The following TBC1D5 variants were observed in gnomAD, a reference collection of about 807,000 sequenced individuals.
The protein encoded by TBC1D5 is TBC1 domain family member 5, also known as TBC1 domain family, member 5.
Under a neutral mutation model 100.3 loss-of-function variants are expected in TBC1D5, and 75 were observed. The observed-to-expected ratio is 0.75, with a 90% confidence interval of 0.62 to 0.91. The LOEUF (loss-of-function observed/expected upper bound fraction) is 0.91, where lower values mean the gene tolerates loss of function less well. TBC1D5 is among the 40% of genes least tolerant of loss of function. The pLI is 0.00. For synonymous variants in TBC1D5, 323 were observed against 325.6 expected (o/e 0.99, Z 0.09); for missense variants, 910 against 942.4 (o/e 0.97, Z 0.45).
chr3:17,159,662 G>C (rs894838211), exon 22 of TBC1D5: 4 of 152,286 alleles, frequency 2.6e-5, no homozygotes, highest in African/African-American at 9.6e-5. Flanking sequence ...GCCCATCATG[G>C]TTTCCTAAGG....
At chr3:17,671,591 A>C (rs1422568477) in intron 1 of TBC1D5, among the ~76,000 whole-genome samples, 4 of 152,262 alleles carry the variant, frequency 2.6e-5, no homozygotes, top group African/African-American at 4.8e-5. Context: ...ATCTTCTTTA[A>C]GGCATTTTAA....
At chr3:17,253,447 G>C (rs1028472679) in intron 16 of TBC1D5, among the ~76,000 whole-genome samples, 1 of 152,164 alleles carries the variant, frequency 6.6e-6, no homozygotes, top group Admixed American at 6.5e-5. Context: ...CTCCTATCTA[G>C]TCCAGAGCAA....
At chr3:17,582,685 A>C (rs1267955937) in intron 2 of TBC1D5, among the ~76,000 whole-genome samples, 1 of 130,142 alleles carries the variant, frequency 7.7e-6, no homozygotes, top group African/African-American at 4.0e-5. Flanking sequence ...TATGCTATCA[A>C]AAAAAAAAAA....
intron 1 of TBC1D5, among the ~76,000 whole-genome samples, chr3:17,725,155 T>C (rs918420472): frequency 8.5e-5 from 13 of 152,350 alleles, no homozygotes; most frequent in African/African-American, 3.1e-4. Context: ...TTTCCTTGTG[T>C]GCTTGGTTAT....
At chr3:17,206,850 G>T (rs936670062) in intron 18 of TBC1D5, among the ~76,000 whole-genome samples, 3 of 152,156 alleles carry the variant, frequency 2.0e-5, no homozygotes, top group Admixed American at 6.5e-5. Context: ...CAGTTTATCA[G>T]GAAATTTACA....
At chr3:17,706,356 G>A (rs2074165675) in intron 1 of TBC1D5, 1 of 1,246,754 alleles carries the variant, frequency 8.0e-7, no homozygotes, top group South Asian at 1.6e-5. Flanking sequence ...TTTTATATTT[G>A]AAGGAAAGCT....
chr3:17,233,585 GA>G (rs1347211788), intron 17 of TBC1D5, 99 bp downstream of exon 18: 3 of 673,648 alleles, frequency 4.5e-6, no homozygotes, highest in Non-Finnish European at 7.6e-6. Context: ...AAAACAGTAT[GA>G]ATGGAGGGTG....
chr3:17,606,164 G>A (rs117893100), intron 2 of TBC1D5, among the ~76,000 whole-genome samples: 2,939 of 152,228 alleles, frequency 0.019, 56 homozygotes, highest in South Asian at 0.048. Flanking sequence ...TTAGGGCTGC[G>A]TACAGTGGCT....
chr3:17,486,144 T>G (rs2150418486), intron 3 of TBC1D5, among the ~76,000 whole-genome samples: 1 of 152,322 alleles, frequency 6.6e-6, no homozygotes, highest in East Asian at 1.9e-4. Flanking sequence ...TGTCTTCTTT[T>G]GAGAAGTGTC....
At chr3:17,387,343 A>G (rs562466561) in intron 8 of TBC1D5, among the ~76,000 whole-genome samples, 41 of 152,126 alleles carry the variant, frequency 2.7e-4, no homozygotes, top group African/African-American at 8.4e-4. Context: ...GCACTTTCCA[A>G]CTGCTTCCCT....
At chr3:17,550,563 C>T (rs2096463718) in intron 2 of TBC1D5, among the ~76,000 whole-genome samples, 1 of 151,086 alleles carries the variant, frequency 6.6e-6, no homozygotes, top group Non-Finnish European at 1.5e-5. Flanking sequence ...AAAAAAAACA[C>T]CACAGAAGGT....
intron 19 of TBC1D5, among the ~76,000 whole-genome samples, chr3:17,169,277 G>A (rs1249807388): frequency 1.3e-5 from 2 of 152,116 alleles, no homozygotes; most frequent in Non-Finnish European, 2.9e-5. Flanking sequence ...GTGCATTACA[G>A]GTACACAATA....
At chr3:17,642,332 ATT>A (rs2064595457) in intron 1 of TBC1D5, among the ~76,000 whole-genome samples, 1 of 152,098 alleles carries the variant, frequency 6.6e-6, no homozygotes, top group African/African-American at 2.4e-5. Context: ...AACCATATAT[ATT>A]ATCATGTTTA....
At chr3:17,224,508 A>C (rs975464584) in intron 17 of TBC1D5, among the ~76,000 whole-genome samples, 1 of 152,230 alleles carries the variant, frequency 6.6e-6, no homozygotes, top group Non-Finnish European at 1.5e-5. Flanking sequence ...AATGCAGTGC[A>C]TATTTTTTAC....
upstream of TBC1D5, among the ~76,000 whole-genome samples, chr3:17,741,848 A>C (rs1343744849): frequency 1.6e-5 from 2 of 123,026 alleles, no homozygotes; most frequent in Non-Finnish European, 3.2e-5. Flanking sequence ...ATCCTGAAAG[A>C]CCTCCGTTTC....
At chr3:17,191,096 A>C (rs1296708319) in intron 18 of TBC1D5, among the ~76,000 whole-genome samples, 1 of 152,202 alleles carries the variant, frequency 6.6e-6, no homozygotes, top group Non-Finnish European at 1.5e-5. Context: ...AGCACAAAGA[A>C]GACTTTTTAA....
intron 2 of TBC1D5, among the ~76,000 whole-genome samples, chr3:17,591,389 C>T (rs920051346): frequency 1.3e-5 from 2 of 151,894 alleles, no homozygotes; most frequent in Middle Eastern, 3.4e-3. Flanking sequence ...ACTATATTAC[C>T]GACAATTTAT....
intron 21 of TBC1D5, 93 bp downstream of exon 22, chr3:17,166,674 G>A: frequency 6.7e-7 from 1 of 1,502,608 alleles, no homozygotes; most frequent in Non-Finnish European, 8.9e-7. Flanking sequence ...GTAATTTGAA[G>A]TAACTTTGGT....
At chr3:17,621,892 T>C (rs184950466) in intron 2 of TBC1D5, among the ~76,000 whole-genome samples, 106 of 152,314 alleles carry the variant, frequency 7.0e-4, no homozygotes, top group Admixed American at 1.0e-3. Flanking sequence ...TTGGTAAACA[T>C]TTATTCAACT....
Sources: allele counts gnomAD v4.1 joint callset (sites outside exome capture counted in the v4.1 genomes callset), GRCh38; gene constraint gnomAD v4.1.1; transcripts MANE v1.5; gene names NCBI Gene and HGNC (gene_info 2026-07-23, HGNC 2026-07-21).